PLCL1: variants seen among roughly 807,000 people sequenced by gnomAD.
PLCL1 encodes inactive phospholipase C-like protein 1.
In PLCL1, 41 loss-of-function variants were observed where a neutral mutation model predicts 84.4. The ratio of observed to expected loss-of-function variants is 0.49; its 90% CI spans 0.38 to 0.63. PLCL1 has a LOEUF of 0.63. Ranked by LOEUF, PLCL1 falls within the 30% of genes least tolerant of loss-of-function variation. The probability of loss-of-function intolerance (pLI) is 0.00; values close to 1 mark genes in which losing one functional copy is unlikely to be tolerated. For missense variants in PLCL1, 1,206 were observed against 1,367.8 expected, an observed-to-expected ratio of 0.88 and a Z score of 1.87; for synonymous variants, 490 against 488.3, an observed-to-expected ratio of 1.00 and a Z score of -0.05.
intron 1 of PLCL1, among the ~76,000 whole-genome samples, chr2:197,881,318 A>T (rs1278120746): frequency 6.6e-6 from 1 of 152,178 alleles, no homozygotes; most frequent in East Asian, 1.9e-4. Flanking sequence ...TTCCTGCTTC[A>T]CTAATCAGAT....
intron 1 of PLCL1, among the ~76,000 whole-genome samples, chr2:197,906,226 T>C (rs541273901): frequency 1.7e-4 from 26 of 152,340 alleles, no homozygotes; most frequent in African/African-American, 6.3e-4. Flanking sequence ...TTAATCCATC[T>C]TGAGTTAATT....
intron 1 of PLCL1, among the ~76,000 whole-genome samples, chr2:198,030,425 TAA>T (rs1691383330): frequency 6.6e-6 from 1 of 152,038 alleles, no homozygotes; most frequent in African/African-American, 2.4e-5. Context: ...AACTAATAAA[TAA>T]AAGTTTTTCC....
chr2:198,095,766 A>G (rs1159406427), intron 3 of PLCL1, among the ~76,000 whole-genome samples: 1 of 152,164 alleles, frequency 6.6e-6, no homozygotes, highest in African/African-American at 2.4e-5. Context: ...AATTGGTTTG[A>G]CTTTTTTCAT....
At chr2:198,083,279 T>C (rs939092393) in intron 1 of PLCL1, among the ~76,000 whole-genome samples, 3 of 152,238 alleles carry the variant, frequency 2.0e-5, no homozygotes, top group Non-Finnish European at 2.9e-5. Flanking sequence ...GATTTCTAGT[T>C]AAGCTGTTCA....
At chr2:197,807,017 A>G (rs1246664082) in intron 1 of PLCL1, among the ~76,000 whole-genome samples, 17 of 152,216 alleles carry the variant, frequency 1.1e-4, no homozygotes, top group Non-Finnish European at 1.6e-4. Context: ...GGAGGGAGAC[A>G]ACAGAATATT....
At chr2:197,890,977 G>A (rs1456429494) in intron 1 of PLCL1, among the ~76,000 whole-genome samples, 1 of 150,806 alleles carries the variant, frequency 6.6e-6, no homozygotes, top group African/African-American at 2.4e-5. Flanking sequence ...TATTCCACTG[G>A]ATGGTTGTAC....
intron 1 of PLCL1, among the ~76,000 whole-genome samples, chr2:198,047,275 C>T (rs1479852314): frequency 6.6e-6 from 1 of 152,010 alleles, no homozygotes; most frequent in Non-Finnish European, 1.5e-5. Context: ...CCTCTGCCAC[C>T]TAGGTTCAAG....
intron 3 of PLCL1, among the ~76,000 whole-genome samples, chr2:198,092,889 C>T (rs762925877): frequency 1.3e-5 from 2 of 152,282 alleles, no homozygotes; most frequent in Admixed American, 6.5e-5. Flanking sequence ...GCACATAGCA[C>T]GTTATCAGGT....
intron 1 of PLCL1, among the ~76,000 whole-genome samples, chr2:197,951,828 C>T (rs1463764779): frequency 4.6e-5 from 7 of 151,990 alleles, no homozygotes; most frequent in Admixed American, 1.3e-4. Flanking sequence ...GCTTGTGGGA[C>T]GTGACTGAGG....
At chr2:197,846,156 T>G (rs1574909945) in intron 1 of PLCL1, among the ~76,000 whole-genome samples, 1 of 152,114 alleles carries the variant, frequency 6.6e-6, no homozygotes, top group East Asian at 1.9e-4. Context: ...TTTTTCCAGG[T>G]TTTTTGGACT....
chr2:198,122,421 C>A (rs1325219959), intron 5 of PLCL1, among the ~76,000 whole-genome samples: 2 of 152,036 alleles, frequency 1.3e-5, no homozygotes, highest in Non-Finnish European at 2.9e-5. Context: ...TGTGAATCAT[C>A]ACCATCTTCA....
At chr2:197,876,350 G>A (rs962570373) in intron 1 of PLCL1, among the ~76,000 whole-genome samples, 1 of 152,088 alleles carries the variant, frequency 6.6e-6, no homozygotes, top group Non-Finnish European at 1.5e-5. Context: ...TGGAGGAGGG[G>A]ATCCCGGAAT....
chr2:198,106,658 C>T (rs1034218558), intron 5 of PLCL1, among the ~76,000 whole-genome samples: 2 of 151,924 alleles, frequency 1.3e-5, no homozygotes, highest in African/African-American at 4.8e-5. Flanking sequence ...GTCTCCAAGA[C>T]TAGTCTATAA....
intron 1 of PLCL1, among the ~76,000 whole-genome samples, chr2:198,043,539 G>A (rs957169951): frequency 4.6e-5 from 7 of 152,170 alleles, no homozygotes; most frequent in African/African-American, 7.2e-5. Flanking sequence ...GCAAGGCTGC[G>A]TAATTTTGTG....
At chr2:197,945,148 T>TA (rs1689246653) in intron 1 of PLCL1, among the ~76,000 whole-genome samples, 1 of 152,218 alleles carries the variant, frequency 6.6e-6, no homozygotes, top group Non-Finnish European at 1.5e-5. Context: ...CCTTGCTATA[T>TA]AGACCAAATT....
intron 1 of PLCL1, among the ~76,000 whole-genome samples, chr2:197,853,735 A>C (rs1472954764): frequency 6.6e-6 from 1 of 152,032 alleles, no homozygotes; most frequent in African/African-American, 2.4e-5. Context: ...TGCCTTCTCT[A>C]GGAAGTTGTC....
chr2:197,948,980 C>T (rs188784343), intron 1 of PLCL1, among the ~76,000 whole-genome samples: 70 of 152,218 alleles, frequency 4.6e-4, no homozygotes, highest in African/African-American at 1.7e-3. Flanking sequence ...TGTGTGATTT[C>T]AGCAAAATCA....
intron 1 of PLCL1, among the ~76,000 whole-genome samples, chr2:197,845,053 A>G (rs977913795): frequency 1.3e-5 from 2 of 152,106 alleles, no homozygotes; most frequent in African/African-American, 4.8e-5. Flanking sequence ...TGCTGTGTGT[A>G]TAGGTTCTAG....
chr2:198,140,257 T>C (rs1694353622), intron 5 of PLCL1, among the ~76,000 whole-genome samples: 1 of 152,178 alleles, frequency 6.6e-6, no homozygotes, highest in African/African-American at 2.4e-5. Flanking sequence ...TTGTCAGCAT[T>C]GTTGCCACTG....
Sources: gnomAD v4.1 joint callset for allele counts (sites outside exome capture counted in the v4.1 genomes callset) on GRCh38, gnomAD v4.1.1 for gene constraint, MANE v1.5 for transcripts, NCBI Gene and HGNC (gene_info 2026-07-23, HGNC 2026-07-21) for gene names.